Variants in TRIM33 observed in about 807,000 individuals in gnomAD.
TRIM33 encodes tripartite motif containing 33.
Under a neutral mutation model 125.4 loss-of-function variants are expected in TRIM33, and 20 were observed. The ratio of observed to expected loss-of-function variants is 0.16; its 90% CI spans 0.11 to 0.23. TRIM33 has a LOEUF of 0.23. TRIM33 is among the 10% of genes least tolerant of loss of function. TRIM33 has a pLI of 1.00. For synonymous variants in TRIM33, 564 were observed against 513.9 expected, an observed-to-expected ratio of 1.10 and a Z score of -1.32; for missense variants, 920 against 1,411.4, an observed-to-expected ratio of 0.65 and a Z score of 5.58.
chr1:114,408,846 T>C (rs764726652), intron 12 of TRIM33, 106 bp from the exon 13 acceptor site: 24 of 776,198 alleles, frequency 3.1e-5, no homozygotes, highest in Middle Eastern at 4.1e-4. Flanking sequence ...TAAAAAATTA[T>C]TGGAAATCAG....
chr1:114,401,640 T>G (rs1651900494), intron 16 of TRIM33, among the ~76,000 whole-genome samples, 177 bp from the exon 17 acceptor site: 1 of 152,232 alleles, frequency 6.6e-6, no homozygotes, highest in African/African-American at 2.4e-5. Flanking sequence ...GCTTCTCATT[T>G]TGTTTTCAGA....
chr1:114,489,504 G>A (rs941276413), intron 1 of TRIM33, among the ~76,000 whole-genome samples: 7 of 152,116 alleles, frequency 4.6e-5, no homozygotes, highest in African/African-American at 1.7e-4. Flanking sequence ...AGCACTTTAC[G>A]GGGCTGAAGC....
rs766284215 is a variant in TRIM33 at position 114,402,749 on chromosome 1, T to A, written c.2892+11A>T. 1 of 1,609,478 alleles carries A rather than the reference T, an allele frequency of 6.2e-7. No homozygotes were observed. Among genetic ancestry groups the A allele is most frequent in the Non-Finnish European group, 8.5e-7 (1 of 1,178,384 alleles). ...GAATCCCAGTGACAAATCAACTTAT[T>A]TGACACTTACCCTTTGGTCCACGGG... On this transcript the variant is annotated intron_variant, in intron 16 of 19. Coordinates refer to ENST00000358465, the MANE Select transcript of TRIM33 (RefSeq NM_015906.4).
intron 4 of TRIM33, among the ~76,000 whole-genome samples, chr1:114,447,989 A>G (rs1013352266): frequency 6.6e-6 from 1 of 152,254 alleles, no homozygotes; most frequent in African/African-American, 2.4e-5. Context: ...AATTCTTTCA[A>G]GAAGTTTTTC....
At position 114,467,216 on chromosome 1, in the gene TRIM33, T is replaced by C. The variant is rs540577503; in HGVS notation, c.527-2828A>G. On this transcript the variant is annotated intron_variant, in intron 1 of 19. Transcript: ENST00000358465. Reference sequence around the variant, plus strand: ...TGTAGAGGATAAATCAGAGTATCAATTGGACTTAATAAATGACTGTATGAT... The same window carrying C: ...TGTAGAGGATAAATCAGAGTATCAACTGGACTTAATAAATGACTGTATGAT... Among the ~76,000 whole-genome samples the C allele has an allele frequency of 1.6e-3, 239 of 152,292 alleles. 1 individual carries two copies. The highest frequency in any genetic ancestry group is 2.9e-3 in the Non-Finnish European group (199 of 68,026).
At chr1:114,466,527 A>C (rs901714510) in intron 1 of TRIM33, among the ~76,000 whole-genome samples, 1 of 152,122 alleles carries the variant, frequency 6.6e-6, no homozygotes, top group African/African-American at 2.4e-5. Flanking sequence ...TTTAAGCCAT[A>C]CCGTGTTTGA....
chr1:114,481,970 C>T (rs573359380), intron 1 of TRIM33, among the ~76,000 whole-genome samples: 12 of 152,032 alleles, frequency 7.9e-5, no homozygotes, highest in African/African-American at 2.4e-4. Flanking sequence ...CATGTTGGCG[C>T]GGCTGGTCTT....
At chr1:114,422,347 CTG>C (rs1328829557) in intron 10 of TRIM33, among the ~76,000 whole-genome samples, 3 of 152,082 alleles carry the variant, frequency 2.0e-5, no homozygotes, top group African/African-American at 4.8e-5. Flanking sequence ...ATTAGTCTGA[CTG>C]TGTAGCTTCT....
At chr1:114,474,080 T>G (rs1020323704) in intron 1 of TRIM33, among the ~76,000 whole-genome samples, 1 of 151,092 alleles carries the variant, frequency 6.6e-6, no homozygotes, top group Admixed American at 6.6e-5. Flanking sequence ...CTTAAATTTT[T>G]TGTAGAGATA....
chr1:114,462,989 T>C, intron 4 of TRIM33, 115 bp downstream of exon 4: 1 of 784,600 alleles, frequency 1.3e-6, no homozygotes, highest in Non-Finnish European at 1.8e-6. Flanking sequence ...ATATGTAAAA[T>C]ACAGATTTAA....
chr1:114,403,688 C>T (rs1017317186), intron 15 of TRIM33, among the ~76,000 whole-genome samples: 1 of 152,142 alleles, frequency 6.6e-6, no homozygotes, highest in Non-Finnish European at 1.5e-5. Flanking sequence ...CAGGGGCCTG[C>T]TACCATGCCC....
chr1:114,486,112 C>T (rs901640341), intron 1 of TRIM33, among the ~76,000 whole-genome samples: 1 of 151,886 alleles, frequency 6.6e-6, no homozygotes, highest in South Asian at 2.1e-4. Context: ...CCCATCTCTA[C>T]TAAAAATACA....
At chr1:114,480,476 T>TAAAAA (rs61241613) in intron 1 of TRIM33, among the ~76,000 whole-genome samples, 7 of 77,858 alleles carry the variant, frequency 9.0e-5, no homozygotes, top group Non-Finnish European at 1.2e-4. Flanking sequence ...ATGATCAATT[T>TAAAAA]AAAAAAAAAA....
At chr1:114,452,771 A>G (rs73005392) in intron 4 of TRIM33, among the ~76,000 whole-genome samples, 1 of 150,634 alleles carries the variant, frequency 6.6e-6, no homozygotes, top group African/African-American at 2.4e-5. Context: ...GGATGGTAGT[A>G]TACACCTGTA....
At chr1:114,492,929 A>C (rs1652156727) in intron 1 of TRIM33, among the ~76,000 whole-genome samples, 1 of 152,250 alleles carries the variant, frequency 6.6e-6, no homozygotes, top group Admixed American at 6.5e-5. Flanking sequence ...GATATGTAAG[A>C]ATGGATTTGC....
chr1:114,442,517 G>A (rs945056857), intron 4 of TRIM33, among the ~76,000 whole-genome samples: 2 of 151,380 alleles, frequency 1.3e-5, no homozygotes, highest in African/African-American at 2.4e-5. Context: ...TGGTGAAACT[G>A]TCTCTACTAA....
At chr1:114,422,342 TCTGA>T (rs556587003) in intron 10 of TRIM33, among the ~76,000 whole-genome samples, 125 of 152,352 alleles carry the variant, frequency 8.2e-4, no homozygotes, top group Non-Finnish European at 1.7e-3. Flanking sequence ...GATTCATTAG[TCTGA>T]CTGTGTAGCT....
chr1:114,505,759 G>C (rs1003273820), intron 1 of TRIM33, among the ~76,000 whole-genome samples: 15 of 152,002 alleles, frequency 9.9e-5, no homozygotes, highest in Admixed American at 8.5e-4. Context: ...GTAGAGACAG[G>C]GTTTCGCCAT....
At chr1:114,438,527 A>G (rs1358189964) in intron 4 of TRIM33, among the ~76,000 whole-genome samples, 1 of 152,238 alleles carries the variant, frequency 6.6e-6, no homozygotes, top group Non-Finnish European at 1.5e-5. Flanking sequence ...AGATGGCAAT[A>G]GCCTATTCTG....
Sources: gnomAD v4.1 joint callset for allele counts (sites outside exome capture counted in the v4.1 genomes callset) on GRCh38, gnomAD v4.1.1 for gene constraint, MANE v1.5 for transcripts, NCBI Gene and HGNC (gene_info 2026-07-23, HGNC 2026-07-21) for gene names.